Variants in MKLN1 observed in about 807,000 individuals in gnomAD.
The protein encoded by MKLN1 is muskelin.
A neutral mutation model predicts 99.0 loss-of-function variants in MKLN1; 18 were observed. That is an observed-to-expected ratio of 0.18 (90% CI 0.13 to 0.27). MKLN1 has a LOEUF of 0.27. Among genes scored for constraint, MKLN1 ranks in the 10% least tolerant of loss-of-function variants. The pLI, the probability that MKLN1 is intolerant of heterozygous loss-of-function variation, is 1.00. For missense variants in MKLN1, 621 were observed against 875.9 expected (o/e 0.71, Z 3.67); for synonymous variants, 288 against 293.2 (o/e 0.98, Z 0.18).
intron 1 of MKLN1, among the ~76,000 whole-genome samples, chr7:131,347,030 A>T (rs1285109439): frequency 6.6e-6 from 1 of 152,168 alleles, no homozygotes; most frequent in Non-Finnish European, 1.5e-5. Flanking sequence ...TTTGACTGGG[A>T]TACAGGACTT....
intron 1 of MKLN1, among the ~76,000 whole-genome samples, chr7:131,115,358 T>C (rs1795258352): frequency 6.6e-6 from 1 of 152,218 alleles, no homozygotes; most frequent in Non-Finnish European, 1.5e-5. Context: ...AGGTCAACTT[T>C]ACCTCCAAAA....
chr7:131,464,246 A>G (rs564736901), intron 13 of MKLN1, 48 bp from the exon 14 acceptor site: 5 of 1,192,614 alleles, frequency 4.2e-6, no homozygotes, highest in Admixed American at 3.6e-5. Context: ...CAGTTGTATT[A>G]TCTTTGCTGC....
At chr7:131,283,077 C>A (rs1044412818) in intron 3 of MKLN1, among the ~76,000 whole-genome samples, 1 of 152,154 alleles carries the variant, frequency 6.6e-6, no homozygotes, top group Non-Finnish European at 1.5e-5. Flanking sequence ...AATCTGCATA[C>A]GTTACTGAGA....
chr7:131,227,542 T>A (rs112985445), intron 3 of MKLN1, among the ~76,000 whole-genome samples: 1 of 150,384 alleles, frequency 6.6e-6, no homozygotes, highest in African/African-American at 2.4e-5. Flanking sequence ...TCTTTCTCTC[T>A]TTCTTTTCCT....
intron 1 of MKLN1, among the ~76,000 whole-genome samples, chr7:131,333,892 G>A (rs957354313): frequency 1.3e-5 from 2 of 152,088 alleles, no homozygotes; most frequent in Non-Finnish European, 2.9e-5. Flanking sequence ...TGGATTAAAG[G>A]TATCAGTTTA....
At chr7:131,217,811 T>C (rs1436196137) in intron 3 of MKLN1, among the ~76,000 whole-genome samples, 1 of 152,166 alleles carries the variant, frequency 6.6e-6, no homozygotes, top group Non-Finnish European at 1.5e-5. Context: ...AGCCAAGAGG[T>C]GGAAGCAACC....
chr7:131,226,560 C>T (rs1797150491), intron 3 of MKLN1, among the ~76,000 whole-genome samples: 1 of 152,164 alleles, frequency 6.6e-6, no homozygotes, highest in South Asian at 2.1e-4. Context: ...AGCAAATCTT[C>T]ATGGCCTGGC....
At chr7:131,170,280 C>T (rs1796197555) in intron 2 of MKLN1, among the ~76,000 whole-genome samples, 1 of 152,140 alleles carries the variant, frequency 6.6e-6, no homozygotes, top group African/African-American at 2.4e-5. Context: ...AAATGTTATA[C>T]TCATTTTTAG....
chr7:131,141,558 A>C (rs932061401), intron 1 of MKLN1, among the ~76,000 whole-genome samples: 1 of 152,160 alleles, frequency 6.6e-6, no homozygotes, highest in African/African-American at 2.4e-5. Context: ...GACCACTCTG[A>C]GACTCTCTAA....
chr7:131,164,822 T>C (rs548742495), intron 2 of MKLN1, among the ~76,000 whole-genome samples: 11 of 152,354 alleles, frequency 7.2e-5, no homozygotes, highest in African/African-American at 2.4e-4. Context: ...ATTCTAGTTC[T>C]GTTGCAAGAA....
At chr7:131,304,960 A>G (rs759898715) in intron 3 of MKLN1, among the ~76,000 whole-genome samples, 3 of 152,174 alleles carry the variant, frequency 2.0e-5, no homozygotes, top group African/African-American at 2.4e-5. Context: ...GGAGCTAGGC[A>G]GGCCCCCTTT....
At chr7:131,304,908 G>A (rs1798432178) in intron 3 of MKLN1, among the ~76,000 whole-genome samples, 2 of 152,156 alleles carry the variant, frequency 1.3e-5, no homozygotes, top group African/African-American at 4.8e-5. Flanking sequence ...ATGATGCTCT[G>A]TCCTCATGAA....
chr7:131,344,994 C>CG (rs1270911045), intron 1 of MKLN1, among the ~76,000 whole-genome samples: 7 of 152,026 alleles, frequency 4.6e-5, no homozygotes, highest in Non-Finnish European at 1.0e-4. Flanking sequence ...TTAGTAAAGA[C>CG]GGGGTTTCAC....
At chr7:131,237,325 C>T (rs1463580630) in intron 3 of MKLN1, among the ~76,000 whole-genome samples, 3 of 152,104 alleles carry the variant, frequency 2.0e-5, no homozygotes, top group Non-Finnish European at 4.4e-5. Context: ...TGAAGTCTCC[C>T]AGAACTTCCT....
intron 3 of MKLN1, among the ~76,000 whole-genome samples, chr7:131,258,406 G>C (rs1423013473): frequency 5.2e-5 from 6 of 115,164 alleles, no homozygotes; most frequent in African/African-American, 1.4e-4. Flanking sequence ...CACAGAGATG[G>C]AAGTAGTGGA....
At chr7:131,240,046 T>C (rs1797378523) in intron 3 of MKLN1, among the ~76,000 whole-genome samples, 1 of 152,074 alleles carries the variant, frequency 6.6e-6, no homozygotes. Flanking sequence ...CAGGACATGA[T>C]GGTGCGTGCT....
At chr7:131,408,624 A>G (rs777163722) in intron 6 of MKLN1, among the ~76,000 whole-genome samples, 4 of 151,958 alleles carry the variant, frequency 2.6e-5, no homozygotes, top group Non-Finnish European at 4.4e-5. Flanking sequence ...ATCATGTTGT[A>G]TGTGTATGTG....
At chr7:131,175,898 C>CAA (rs35669557) in intron 2 of MKLN1, among the ~76,000 whole-genome samples, 5 of 143,794 alleles carry the variant, frequency 3.5e-5, no homozygotes, top group African/African-American at 4.9e-5. Context: ...AGACTCCACT[C>CAA]AAAAAAAAAC....
At chr7:131,193,785 A>G (rs898689390) in intron 2 of MKLN1, among the ~76,000 whole-genome samples, 3 of 151,908 alleles carry the variant, frequency 2.0e-5, no homozygotes, top group Non-Finnish European at 4.4e-5. Flanking sequence ...TGCCCAGCTA[A>G]TTTTAAAAAT....
Sources: allele counts gnomAD v4.1 joint callset (sites outside exome capture counted in the v4.1 genomes callset), GRCh38; gene constraint gnomAD v4.1.1; transcripts MANE v1.5; gene names NCBI Gene and HGNC (gene_info 2026-07-23, HGNC 2026-07-21).